The following MTOR variants were observed in gnomAD, a reference collection of about 807,000 sequenced individuals.
MTOR encodes the protein serine/threonine-protein kinase mTOR.
Under a neutral mutation model 319.8 loss-of-function variants are expected in MTOR, and 70 were observed. The ratio of observed to expected loss-of-function variants is 0.22; its 90% CI spans 0.18 to 0.27. MTOR has a LOEUF of 0.27. MTOR is among the 10% of genes least tolerant of loss of function. MTOR has a pLI of 1.00. For synonymous variants in MTOR, 1,183 were observed against 1,211.4 expected (o/e 0.98, Z 0.49); for missense variants, 1,890 against 3,274.4 (o/e 0.58, Z 10.32).
rs537259064 is a variant in MTOR, at chr1:11,243,199, C to T, written c.1327G>A (p.Ala443Thr). 1.2e-5 allele frequency: 20 copies of T among 1,614,126 alleles called. No individual in the cohort carries two copies. The highest frequency in any genetic ancestry group is 1.7e-5 in the Non-Finnish European group (20 of 1,180,036). Residue 443 changes from alanine to threonine, a missense_variant, in exon 9 of 58, where the codon GCT becomes ACT. Physicochemically the swap from Ala to Thr is moderately conservative, Grantham distance 58. This residue lies in a region of MTOR where 418 missense variants were observed against 543.1 expected (regional missense o/e 0.77). Transcript: ENST00000361445. ...TAGACCTTAAACTCAGACCTCACAG[C>T]CACAGAAAGTAGCCCCAGGGCTTGG... ...AFQALGLLSV[A>T]VRSEFKVYLP...
Position 11,171,985 on chromosome 1 carries a change from G to A in MTOR, c.4254-4468C>T, listed in dbSNP as rs1237948887. Among the ~76,000 whole-genome samples the A allele has an allele frequency of 6.7e-5, 10 of 150,362 alleles. 1 individual carries two copies. The highest frequency in any genetic ancestry group is 1.2e-4 in the African/African-American group (5 of 40,596). On this transcript the variant is annotated intron_variant, in intron 28 of 57. Coordinates refer to ENST00000361445, the MANE Select transcript of MTOR (RefSeq NM_004958.4). ...GGGAAGGTTGCAGTGAGCCAAGATT[G>A]TGCCACTGCACTCCAGCCTGGGCAA...
chr1:11,160,816 T>C (rs909224759), intron 29 of MTOR, among the ~76,000 whole-genome samples: 2 of 152,196 alleles, frequency 1.3e-5, no homozygotes, highest in Admixed American at 1.3e-4. Context: ...GGTTCCAAGA[T>C]GGCCGAATAG....
rs2100424905 is a variant in MTOR at position 11,129,864 on chromosome 1, A to T, written c.5614-26T>A. On this transcript the variant is annotated intron_variant, in intron 39 of 57. Coordinates refer to ENST00000361445, the MANE Select transcript of MTOR (RefSeq NM_004958.4). The surrounding 1 kb of genome is among the most constrained non-coding windows in gnomAD (Gnocchi z 4.7). The stretch of plus-strand genomic sequence containing the variant: ...CTGTTGGAACACACACGTGTTAGCG[A>T]CACTCTTGCCTCTGCTTTCTCATCT... 6.3e-7 allele frequency: 1 copy of T among 1,598,552 alleles called. No individual in the cohort carries two copies. The highest frequency in any genetic ancestry group is 8.6e-7 in the Non-Finnish European group (1 of 1,166,124).
At chr1:11,172,065 A>G (rs915285833) in intron 28 of MTOR, among the ~76,000 whole-genome samples, 1 of 150,988 alleles carries the variant, frequency 6.6e-6, no homozygotes, top group Non-Finnish European at 1.5e-5. Context: ...GGAGAGTCCT[A>G]TGACTTATCT....
intron 31 of MTOR, among the ~76,000 whole-genome samples, chr1:11,147,357 G>C (rs537575268): frequency 9.9e-5 from 15 of 152,282 alleles, no homozygotes; most frequent in African/African-American, 2.4e-4. Flanking sequence ...AGATGGGCTA[G>C]GTCACAGCAC....
At chr1:11,178,263 G>T (rs1447039582) in intron 28 of MTOR, among the ~76,000 whole-genome samples, 1 of 152,158 alleles carries the variant, frequency 6.6e-6, no homozygotes, top group African/African-American at 2.4e-5. Flanking sequence ...TGGCCCATTT[G>T]ACTCACCGTC....
rs1569716272 is a variant in MTOR, at chr1:11,234,231, C to T, written c.2243G>A (p.Arg748Lys). The change falls in exon 14 of 58, where the codon AGA (arginine) becomes AAA (lysine). Residue 748 changes from arginine to lysine, a missense_variant. This residue lies in a region of MTOR where 377 missense variants were observed against 653.9 expected (regional missense o/e 0.58). Coordinates refer to ENST00000361445, the MANE Select transcript of MTOR (RefSeq NM_004958.4). ...LTELEHSGIGRIKEQSARMLG... is the reference protein window; with the variant it reads ...LTELEHSGIGKIKEQSARMLG... ...CATGCGGGCACTCTGCTCTTTGATT[C>T]TTCCAATCCCACTGTGCTCCAACTC... is the stretch of plus-strand genomic sequence containing the variant. 1.9e-6 allele frequency: 3 copies of T among 1,614,018 alleles called. No individual in the cohort carries two copies. Among genetic ancestry groups the T allele is most frequent in the Middle Eastern group, 3.3e-4 (2 of 6,062 alleles).
At chr1:11,253,575 C>T (rs949115564) in intron 6 of MTOR, among the ~76,000 whole-genome samples, 2 of 152,120 alleles carry the variant, frequency 1.3e-5, no homozygotes, top group South Asian at 2.1e-4. Flanking sequence ...GTAGCTCCTT[C>T]GTGTCATGTG....
At chr1:11,209,510 G>C (rs1176115890) in intron 24 of MTOR, 52 bp from the exon 25 acceptor site, 2 of 1,598,832 alleles carry the variant, frequency 1.3e-6, no homozygotes, top group Non-Finnish European at 1.7e-6. Context: ...GATGCTTCTG[G>C]TTTAGGAAAT....
At position 11,157,244 on chromosome 1, in the gene MTOR, G is replaced by A. The variant is rs771892230; in HGVS notation, c.4377C>T (p.Ala1459=). ...CCATTTTCTTGTCATAGGCCACAAGGGCATCCTCCCACTCGTGCAGTTTCT... is the reference window on the plus strand; with the variant it reads ...CCATTTTCTTGTCATAGGCCACAAGAGCATCCTCCCACTCGTGCAGTTTCT... ...WYEKLHEWED[A]LVAYDKKMDT... The change falls in exon 30 of 58, where the codon GCC becomes GCT. Residue 1459 remains alanine (A), a synonymous_variant. Transcript: ENST00000361445. The A allele has an allele frequency of 7.4e-6, 12 of 1,614,126 alleles. No homozygotes were observed. The highest frequency in any genetic ancestry group is 1.0e-5 in the Non-Finnish European group (12 of 1,180,008).
intron 25 of MTOR, among the ~76,000 whole-genome samples, chr1:11,206,034 G>T (rs1646126685): frequency 6.6e-6 from 1 of 152,202 alleles, no homozygotes; most frequent in Admixed American, 6.5e-5. Flanking sequence ...AAAAACCGAA[G>T]CAGAAATGTT....
At chr1:11,193,410 C>A (rs28991008) in intron 28 of MTOR, among the ~76,000 whole-genome samples, 4,809 of 152,308 alleles carry the variant, frequency 0.032, 105 homozygotes, top group South Asian at 0.056. Flanking sequence ...CACCACCCAC[C>A]CCAGCTCACC....
rs765484322 is a variant in MTOR, at chr1:11,130,637, G to A, written c.5505C>T (p.Ala1835=). ...TGCTGGCAGTGGTGGTGGCAGTGGC[G>A]GCCGTGGTGGCGGCAGTGGTGGCGT... ...ITNATTAATT[A]ATATTTASTE... The change falls in exon 39 of 58, where the codon GCC becomes GCT. Residue 1835 remains alanine (A), a synonymous_variant. Transcript: ENST00000361445. 39 of 1,613,610 alleles carry A rather than the reference G, an allele frequency of 2.4e-5. No individual in the cohort carries two copies. Among genetic ancestry groups the A allele is most frequent in the Admixed American group, 1.7e-4 (10 of 59,954 alleles).
At chr1:11,155,944 G>T (rs535304007) in intron 30 of MTOR, among the ~76,000 whole-genome samples, 69 of 152,160 alleles carry the variant, frequency 4.5e-4, no homozygotes, top group Non-Finnish European at 9.3e-4. Context: ...TAACCTACTA[G>T]TCGGGAGGTA....
intron 47 of MTOR, among the ~76,000 whole-genome samples, chr1:11,123,210 T>C (rs1365873999): frequency 1.3e-5 from 2 of 152,222 alleles, no homozygotes; most frequent in African/African-American, 2.4e-5. Context: ...AACTTGGTTA[T>C]AAATTATAAA....
chr1:11,247,592 A>C (rs370316893), intron 8 of MTOR, 33 bp downstream of exon 8: 2 of 1,577,152 alleles, frequency 1.3e-6, no homozygotes, highest in African/African-American at 1.3e-5. Context: ...TTACCCTGAG[A>C]TGGGTAATGA....
intron 34 of MTOR, among the ~76,000 whole-genome samples, chr1:11,142,810 G>A (rs961572042): frequency 7.9e-5 from 12 of 152,162 alleles, no homozygotes; most frequent in African/African-American, 2.9e-4. Context: ...GAGACCCAGC[G>A]CCAGTAAGGC....
rs772935712 is a variant in MTOR, at chr1:11,121,387, G to GGTT, written c.6811-20_6811-19insAAC. 3.1e-6 allele frequency: 5 copies of GGTT among 1,613,444 alleles called. No homozygotes were observed. Among genetic ancestry groups the GGTT allele is most frequent in the Non-Finnish European group, 4.2e-6 (5 of 1,179,840 alleles). ...GAGCCATCTGCATCAGGACACAACT[G>GGTT]TTCAGTAAGAGAGCAGCCTAAGACA... On this transcript the variant is annotated intron_variant, in intron 48 of 57. Coordinates refer to ENST00000361445, the MANE Select transcript of MTOR (RefSeq NM_004958.4). The surrounding 1 kb of genome is among the most constrained non-coding windows in gnomAD (Gnocchi z 4.9).
chr1:11,201,389 A>T (rs1645964245), intron 26 of MTOR, among the ~76,000 whole-genome samples: 1 of 152,248 alleles, frequency 6.6e-6, no homozygotes, highest in Non-Finnish European at 1.5e-5. Flanking sequence ...ACTATTTTAA[A>T]GCATTAAAAA....
Sources: allele counts gnomAD v4.1 joint callset (sites outside exome capture counted in the v4.1 genomes callset), GRCh38; gene constraint gnomAD v4.1.1; regional missense constraint gnomAD v4.1.1; non-coding constraint Gnocchi (gnomAD v3.1); transcripts MANE v1.5; gene names NCBI Gene and HGNC (gene_info 2026-07-23, HGNC 2026-07-21).